Variants in GMDS observed in about 807,000 individuals in gnomAD.
The protein encoded by GMDS is GDP-mannose 4,6 dehydratase.
A neutral mutation model predicts 49.9 loss-of-function variants in GMDS; 20 were observed. The ratio of observed to expected loss-of-function variants is 0.40; its 90% confidence interval spans 0.28 to 0.58. The LOEUF is 0.58. Ranked by LOEUF, GMDS falls within the 20% of genes least tolerant of loss-of-function variation. The pLI is 0.42. For synonymous variants in GMDS, 177 were observed against 178.6 expected (o/e 0.99, Z 0.07); for missense variants, 362 against 481.4 (o/e 0.75, Z 2.32).
At chr6:2,177,816 C>A (rs1461846350) in intron 1 of GMDS, among the ~76,000 whole-genome samples, 1 of 152,088 alleles carries the variant, frequency 6.6e-6, no homozygotes, top group African/African-American at 2.4e-5. Context: ...AATCATCCTA[C>A]CAAAAAGACA....
rs554964350 is a variant in GMDS at position 1,759,035 on chromosome 6, G to T, written c.772-16449C>A. Among the ~76,000 whole-genome samples the T allele has an allele frequency of 6.6e-5, 10 of 152,216 alleles. No individual in the cohort carries two copies. In the East Asian group the frequency reaches 1.9e-3, roughly 29 times the overall value. Reference sequence around the variant, plus strand: ...CCTCCCGGGTTCAAGTGATTCTCACGCCTCAGCCTCTAGAGTAGCTGGGAC... The same window carrying T: ...CCTCCCGGGTTCAAGTGATTCTCACTCCTCAGCCTCTAGAGTAGCTGGGAC... On this transcript the variant is annotated intron_variant, in intron 7 of 10. Transcript: ENST00000380815.
intron 7 of GMDS, among the ~76,000 whole-genome samples, chr6:1,782,635 C>G (rs2113614032): frequency 6.6e-6 from 1 of 152,272 alleles, no homozygotes; most frequent in African/African-American, 2.4e-5. Context: ...ATTTTTAGAG[C>G]TTACTGATTT....
intron 9 of GMDS, among the ~76,000 whole-genome samples, chr6:1,663,286 T>C (rs1053220354): frequency 6.6e-6 from 1 of 152,180 alleles, no homozygotes; most frequent in Non-Finnish European, 1.5e-5. Flanking sequence ...TGCAGGTCGT[T>C]GGCTCAGAAA....
At chr6:1,915,261 G>T (rs559761036) in intron 7 of GMDS, among the ~76,000 whole-genome samples, 1 of 152,226 alleles carries the variant, frequency 6.6e-6, no homozygotes, top group Admixed American at 6.5e-5. Flanking sequence ...CCAGATGCAA[G>T]CATTGTCAGC....
chr6:1,636,108 G>C (rs549994682), intron 9 of GMDS, among the ~76,000 whole-genome samples: 1 of 152,330 alleles, frequency 6.6e-6, no homozygotes, highest in Admixed American at 6.5e-5. Context: ...CGAGGAATCT[G>C]TTCCAGGAAT....
intron 9 of GMDS, among the ~76,000 whole-genome samples, chr6:1,704,319 G>A (rs1466632750): frequency 6.6e-6 from 1 of 151,920 alleles, no homozygotes; most frequent in African/African-American, 2.4e-5. Flanking sequence ...AGGCAGCCCT[G>A]CCTGAGGAAT....
intron 1 of GMDS, among the ~76,000 whole-genome samples, chr6:2,208,720 G>T (rs1249754702): frequency 6.6e-6 from 1 of 152,142 alleles, no homozygotes; most frequent in South Asian, 2.1e-4. Flanking sequence ...TTAGAAAATA[G>T]CTTGCCCAAG....
chr6:2,123,692 A>C (rs1445815384), intron 2 of GMDS, among the ~76,000 whole-genome samples: 1 of 152,236 alleles, frequency 6.6e-6, no homozygotes, highest in Admixed American at 6.5e-5. Flanking sequence ...CAGCTTATGC[A>C]TATGGACATA....
chr6:1,951,076 A>C (rs1263799724), intron 6 of GMDS, among the ~76,000 whole-genome samples: 2 of 151,744 alleles, frequency 1.3e-5, no homozygotes, highest in Non-Finnish European at 2.9e-5. Context: ...CCCATTCCCC[A>C]CCCCTAGTTG....
chr6:2,185,421 C>T (rs1262157480), intron 1 of GMDS, among the ~76,000 whole-genome samples: 1 of 152,166 alleles, frequency 6.6e-6, no homozygotes, highest in Non-Finnish European at 1.5e-5. Context: ...TGTACACCAA[C>T]CAAATATTTT....
chr6:2,088,806 A>G (rs572368467), intron 4 of GMDS, among the ~76,000 whole-genome samples: 16 of 152,328 alleles, frequency 1.1e-4, no homozygotes, highest in Non-Finnish European at 2.2e-4. Flanking sequence ...GATAAGATGC[A>G]TAACTCAATG....
chr6:1,711,651 C>T (rs1765970118), intron 9 of GMDS, among the ~76,000 whole-genome samples: 1 of 152,188 alleles, frequency 6.6e-6, no homozygotes, highest in African/African-American at 2.4e-5. Flanking sequence ...CACGTTATGT[C>T]TAGGTATGGT....
chr6:1,707,847 A>T (rs1002621454), intron 9 of GMDS, among the ~76,000 whole-genome samples: 6 of 152,230 alleles, frequency 3.9e-5, no homozygotes, highest in Non-Finnish European at 7.3e-5. Flanking sequence ...TTAGTATTTC[A>T]GGCATGTTAT....
At chr6:1,865,443 A>T (rs1267850953) in intron 7 of GMDS, among the ~76,000 whole-genome samples, 1 of 152,168 alleles carries the variant, frequency 6.6e-6, no homozygotes, top group Non-Finnish European at 1.5e-5. Flanking sequence ...ACTAGGCAAA[A>T]ATGAGGTGAA....
At chr6:1,828,078 A>G (rs1402338687) in intron 7 of GMDS, among the ~76,000 whole-genome samples, 3 of 152,096 alleles carry the variant, frequency 2.0e-5, no homozygotes, top group Admixed American at 2.0e-4. Context: ...ACAAAATGAG[A>G]ATAACAACAA....
chr6:2,232,836 C>T (rs190371733), intron 1 of GMDS, among the ~76,000 whole-genome samples: 1 of 152,332 alleles, frequency 6.6e-6, no homozygotes, highest in South Asian at 2.1e-4. Context: ...CCTTCAGCCT[C>T]TTCCATAACC....
At chr6:1,972,346 T>A (rs1764669396) in intron 4 of GMDS, among the ~76,000 whole-genome samples, 1 of 151,766 alleles carries the variant, frequency 6.6e-6, no homozygotes, top group South Asian at 2.1e-4. Context: ...AGATGCCTTT[T>A]CTCTGTCATT....
At chr6:1,791,118 AAGGAAAC>A (rs1258101485) in intron 7 of GMDS, among the ~76,000 whole-genome samples, 1 of 152,186 alleles carries the variant, frequency 6.6e-6, no homozygotes, top group Non-Finnish European at 1.5e-5. Flanking sequence ...TGGAAAAGGC[AAGGAAAC>A]AGATTCTCCC....
intron 1 of GMDS, among the ~76,000 whole-genome samples, chr6:2,140,015 G>A (rs990040979): frequency 6.6e-6 from 1 of 152,168 alleles, no homozygotes; most frequent in Non-Finnish European, 1.5e-5. Flanking sequence ...CAGGTAAAGT[G>A]AGTCAGCTGT....
Sources: gnomAD v4.1 joint callset for allele counts (sites outside exome capture counted in the v4.1 genomes callset) on GRCh38, gnomAD v4.1.1 for gene constraint, MANE v1.5 for transcripts, NCBI Gene and HGNC (gene_info 2026-07-23, HGNC 2026-07-21) for gene names.